CAST: variants seen among roughly 807,000 people sequenced by gnomAD.
CAST encodes MIR583 host.
CAST carries 76 observed loss-of-function variants against 119.6 expected under a neutral mutation model. The observed-to-expected ratio is 0.64, with a 90% CI of 0.53 to 0.77. The LOEUF (loss-of-function observed/expected upper bound fraction) is 0.77. CAST is among the 30% of genes least tolerant of loss of function. The probability of loss-of-function intolerance (pLI) is 0.00; values close to 1 mark genes in which losing one functional copy is unlikely to be tolerated. For synonymous variants in CAST, 319 were observed against 331.6 expected, an observed-to-expected ratio of 0.96 and a Z score of 0.41; for missense variants, 953 against 946.5, an observed-to-expected ratio of 1.01 and a Z score of -0.09.
intron 1 of CAST, among the ~76,000 whole-genome samples, chr5:96,568,700 C>A (rs1746520300): frequency 7.3e-6 from 1 of 136,164 alleles, no homozygotes; most frequent in Non-Finnish European, 1.7e-5. Context: ...TCTTTGTGTG[C>A]ATATTTTTTT....
At chr5:96,386,176 A>AT in the CAST span, among the ~76,000 whole-genome samples, 4 of 152,050 alleles carry the variant, frequency 2.6e-5, no homozygotes, top group African/African-American at 2.4e-5. Flanking sequence ...TGCTTTAGAA[A>AT]TTTTTTTTTG....
chr5:96,499,983 G>C, the CAST span, among the ~76,000 whole-genome samples: 1 of 152,122 alleles, frequency 6.6e-6, no homozygotes, highest in Non-Finnish European at 1.5e-5. Flanking sequence ...GTGCCTCAGG[G>C]AATAGGGAGA....
chr5:96,665,670 G>C (rs1453189288), intron 1 of CAST, among the ~76,000 whole-genome samples: 2 of 151,940 alleles, frequency 1.3e-5, no homozygotes, highest in African/African-American at 4.8e-5. Context: ...AGGGAGTTCA[G>C]AGATTTCCAA....
At chr5:96,647,081 T>A (rs1748023158) in intron 1 of CAST, among the ~76,000 whole-genome samples, 1 of 152,208 alleles carries the variant, frequency 6.6e-6, no homozygotes. Context: ...TGGGAACTGC[T>A]GGCATGTTTG....
At chr5:96,324,246 T>C in the CAST span, among the ~76,000 whole-genome samples, 4 of 152,188 alleles carry the variant, frequency 2.6e-5, no homozygotes, top group African/African-American at 9.6e-5. Flanking sequence ...AATTACCTTA[T>C]TAATTGTAAT....
the CAST span, among the ~76,000 whole-genome samples, chr5:96,336,432 C>A: frequency 6.6e-6 from 1 of 152,206 alleles, no homozygotes; most frequent in Non-Finnish European, 1.5e-5. Context: ...TCTTCTCCAA[C>A]GCAGCCAAAA....
chr5:96,311,220 T>TTTCAGGAACAAAACTTC, the CAST span, among the ~76,000 whole-genome samples: 9 of 152,258 alleles, frequency 5.9e-5, no homozygotes, highest in Non-Finnish European at 8.8e-5. Context: ...TTTCATTTCA[T>TTTCAGGAACAAAACTTC]ATATTAATGA....
the CAST span, among the ~76,000 whole-genome samples, chr5:96,362,758 CA>C: frequency 6.6e-6 from 1 of 152,116 alleles, no homozygotes; most frequent in East Asian, 1.9e-4. Context: ...GAGTAGATTG[CA>C]AAAATTGTCT....
At chr5:96,243,687 A>G in the CAST span, among the ~76,000 whole-genome samples, 2 of 152,222 alleles carry the variant, frequency 1.3e-5, no homozygotes, top group Non-Finnish European at 2.9e-5. Flanking sequence ...AGAGATATGC[A>G]TCCCTCAGAG....
chr5:96,005,973 T>G, the CAST span, among the ~76,000 whole-genome samples: 1 of 152,238 alleles, frequency 6.6e-6, no homozygotes, highest in Admixed American at 6.5e-5. Context: ...GTATCTTGTT[T>G]ATAAATATTG....
At chr5:96,674,924 A>C (rs766975708) in intron 1 of CAST, among the ~76,000 whole-genome samples, 4 of 152,240 alleles carry the variant, frequency 2.6e-5, no homozygotes, top group Non-Finnish European at 5.9e-5. Flanking sequence ...TACCCCATAA[A>C]GATGTATGAT....
the CAST span, among the ~76,000 whole-genome samples, chr5:96,161,242 G>A: frequency 6.6e-6 from 1 of 151,988 alleles, no homozygotes; most frequent in African/African-American, 2.4e-5. Flanking sequence ...TATAGTTTTA[G>A]CTCTTATAAT....
At chr5:96,179,839 A>G in the CAST span, among the ~76,000 whole-genome samples, 4 of 152,140 alleles carry the variant, frequency 2.6e-5, no homozygotes, top group African/African-American at 9.6e-5. Flanking sequence ...GATCGAGACC[A>G]TCCTGGCTAA....
the CAST span, among the ~76,000 whole-genome samples, chr5:96,126,093 G>A: frequency 5.9e-5 from 9 of 152,132 alleles, no homozygotes; most frequent in African/African-American, 1.7e-4. Flanking sequence ...AGAAGAATCA[G>A]TACAGAGTGT....
intron 1 of CAST, among the ~76,000 whole-genome samples, chr5:96,587,182 G>T (rs1034807922): frequency 1.3e-5 from 2 of 152,132 alleles, no homozygotes; most frequent in Non-Finnish European, 2.9e-5. Flanking sequence ...AGCTAGAAAG[G>T]TTTGTACAGC....
the CAST span, among the ~76,000 whole-genome samples, chr5:96,218,978 G>A: frequency 6.6e-6 from 1 of 152,170 alleles, no homozygotes; most frequent in Admixed American, 6.5e-5. Context: ...CAGGTGAAAA[G>A]TGGAGATATT....
At chr5:96,084,526 T>G in the CAST span, among the ~76,000 whole-genome samples, 3 of 152,254 alleles carry the variant, frequency 2.0e-5, no homozygotes, top group Admixed American at 6.5e-5. Flanking sequence ...TTCAATTCAC[T>G]GATTCTATCA....
chr5:96,399,080 C>A, the CAST span: 1 of 1,464,898 alleles, frequency 6.8e-7, no homozygotes, highest in Middle Eastern at 1.7e-4. Context: ...TATATCCAAA[C>A]TTCCTTGCAT....
the CAST span, among the ~76,000 whole-genome samples, chr5:95,978,786 T>C: frequency 1.2e-3 from 179 of 152,310 alleles, 1 homozygote; most frequent in African/African-American, 4.1e-3. Flanking sequence ...TCCTACAACA[T>C]AATATTTTTT....
Sources: gnomAD v4.1 joint callset for allele counts (sites outside exome capture counted in the v4.1 genomes callset) on GRCh38, gnomAD v4.1.1 for gene constraint, MANE v1.5 for transcripts, NCBI Gene and HGNC (gene_info 2026-07-23, HGNC 2026-07-21) for gene names.